The following RELN variants were observed in gnomAD, a reference collection of about 807,000 sequenced individuals.
RELN encodes the protein reelin.
RELN carries 108 observed loss-of-function variants against 427.6 expected under a neutral mutation model. The ratio of observed to expected loss-of-function variants is 0.25; its 90% CI spans 0.22 to 0.30. RELN has a LOEUF of 0.30. RELN is among the 10% of genes least tolerant of loss of function. The pLI, the probability that RELN is intolerant of heterozygous loss-of-function variation, is 1.00. For synonymous variants in RELN, 1,524 were observed against 1,513.4 expected, an observed-to-expected ratio of 1.01 and a Z score of -0.16; for missense variants, 3,715 against 4,302.8, an observed-to-expected ratio of 0.86 and a Z score of 3.82.
At chr7:103,899,174 A>G (rs1249516657) in intron 2 of RELN, among the ~76,000 whole-genome samples, 1 of 151,234 alleles carries the variant, frequency 6.6e-6, no homozygotes, top group East Asian at 1.9e-4. Flanking sequence ...CTCTACTTAA[A>G]TAAACTGGAA....
At chr7:103,491,106 A>T (rs1288300159) in intron 58 of RELN, among the ~76,000 whole-genome samples, 1 of 152,256 alleles carries the variant, frequency 6.6e-6, no homozygotes, top group Non-Finnish European at 1.5e-5. Flanking sequence ...GTTACTAGAA[A>T]TATACCTGGA....
In RELN at chr7:103,603,179, G is replaced by A. The variant is rs764247961; in HGVS notation, c.3333+125C>T. On this transcript the variant is annotated intron_variant, in intron 24 of 64. Coordinates refer to ENST00000428762, the MANE Select transcript of RELN (RefSeq NM_005045.4). This position sits in a 1 kb window ranked among gnomAD's most constrained non-coding sequence, Gnocchi z 4.3. ...ATAGCTAAGGAATAGGAATTTGATAGAGCCCACTCAAAAGCGGGGAACGTG... is the reference window on the plus strand; with the variant it reads ...ATAGCTAAGGAATAGGAATTTGATAAAGCCCACTCAAAAGCGGGGAACGTG... 207 of 797,446 alleles carry A rather than the reference G, an allele frequency of 2.6e-4. No individual in the cohort carries two copies. The highest frequency in any genetic ancestry group is 3.8e-4 in the Non-Finnish European group (172 of 451,420). 49.4% of individuals were successfully genotyped at this position (797,446 alleles called of 1,614,324 possible). A position where few individuals can be genotyped will look rare whatever the true frequency, so the allele number is the denominator to read the frequency against.
intron 2 of RELN, among the ~76,000 whole-genome samples, chr7:103,860,346 T>C (rs1015087705): frequency 8.5e-5 from 13 of 152,288 alleles, no homozygotes; most frequent in African/African-American, 2.9e-4. Context: ...AAGCCAATTA[T>C]TATATGGAAT....
In RELN at chr7:103,535,361, A is replaced by T; in HGVS notation, c.7304T>A (p.Phe2435Tyr). ...CAGAGTGATTCTAGTCCACTTGTTG[A>T]AAGTGTCTGACACCAGGATCCGTTG... ...HLQRILVSDT[F>Y]NKWTRITLPL... The change falls in exon 46 of 65, where the codon TTC becomes TAC. Residue 2435 changes from phenylalanine (F) to tyrosine (Y), a missense_variant. Phe to Tyr is a conservative substitution (Grantham distance 22, BLOSUM62 3). Transcript: ENST00000428762. 6.2e-7 allele frequency: 1 copy of T among 1,614,104 alleles called. No homozygotes were observed. Among genetic ancestry groups the T allele is most frequent in the East Asian group, 2.2e-5 (1 of 44,876 alleles).
chr7:103,581,068 T>C (rs911825198), intron 28 of RELN, among the ~76,000 whole-genome samples: 1 of 152,104 alleles, frequency 6.6e-6, no homozygotes, highest in Non-Finnish European at 1.5e-5. Flanking sequence ...AACACAGATA[T>C]GTTCTTATGG....
intron 20 of RELN, among the ~76,000 whole-genome samples, chr7:103,615,561 G>C (rs1374641754): frequency 6.6e-6 from 1 of 152,096 alleles, no homozygotes; most frequent in East Asian, 1.9e-4. Context: ...TATCTCACTT[G>C]ACCTTTGAGT....
intron 3 of RELN, among the ~76,000 whole-genome samples, chr7:103,809,864 C>T (rs1276322079): frequency 6.6e-6 from 1 of 152,174 alleles, no homozygotes; most frequent in Non-Finnish European, 1.5e-5. Flanking sequence ...AGGATCCCTG[C>T]TGTGACCATA....
rs1046355976 is a variant in RELN, at chr7:103,910,912, C to T, written c.337+6163G>A. On this transcript the variant is annotated intron_variant, in intron 2 of 64. Transcript: ENST00000428762. ...AACCATAAAAACCCTAGAAGAAAAC[C>T]TAGGCATTACTATTCAGGACATAGG... Among the ~76,000 whole-genome samples the T allele has an allele frequency of 2.2e-5, 3 of 138,524 alleles. No individual in the cohort carries two copies. The Admixed American group carries it at 2.2e-4, about 10-fold the overall frequency. The allele number at this position is 138,524 out of a possible 152,430, so 90.9% of individuals were successfully genotyped here. A position where few individuals can be genotyped will look rare whatever the true frequency, so the allele number is the denominator to read the frequency against.
chr7:103,958,694 ACT>A (rs1190912760), intron 1 of RELN, among the ~76,000 whole-genome samples: 2 of 152,134 alleles, frequency 1.3e-5, no homozygotes, highest in Non-Finnish European at 2.9e-5. Context: ...CAAGTGACTC[ACT>A]CTGCAATGGC....
intron 41 of RELN, among the ~76,000 whole-genome samples, chr7:103,549,383 G>A (rs12538828): frequency 6.6e-6 from 1 of 152,294 alleles, no homozygotes; most frequent in East Asian, 1.9e-4. Flanking sequence ...CCAATCATGA[G>A]GGCTCCACTT....
intron 19 of RELN, among the ~76,000 whole-genome samples, chr7:103,631,292 T>A (rs1334880911): frequency 1.5e-5 from 1 of 68,450 alleles, no homozygotes; most frequent in Non-Finnish European, 2.8e-5. Flanking sequence ...ACTTCTTTTT[T>A]TTTTTTTTTT....
intron 1 of RELN, among the ~76,000 whole-genome samples, chr7:103,963,108 TTC>T (rs950855492): frequency 6.0e-5 from 9 of 149,674 alleles, no homozygotes; most frequent in Non-Finnish European, 1.2e-4. Flanking sequence ...TTAGACAGGA[TTC>T]TCTCTCTCTC....
At chr7:103,675,330 G>A (rs554131216) in intron 11 of RELN, among the ~76,000 whole-genome samples, 2 of 152,220 alleles carry the variant, frequency 1.3e-5, no homozygotes, top group African/African-American at 4.8e-5. Flanking sequence ...CAACTTACAA[G>A]GGATGTGAAG....
At chr7:103,473,169 C>T (rs1373897775) in intron 64 of RELN, among the ~76,000 whole-genome samples, 1 of 152,178 alleles carries the variant, frequency 6.6e-6, no homozygotes, top group East Asian at 1.9e-4. Flanking sequence ...GTGAAATTCT[C>T]TTGATTCATA....
intron 49 of RELN, among the ~76,000 whole-genome samples, chr7:103,517,075 C>T (rs1048986648): frequency 1.3e-5 from 2 of 152,080 alleles, no homozygotes; most frequent in African/African-American, 4.8e-5. Flanking sequence ...CTCACCTGTG[C>T]GGGTACTGGC....
At chr7:103,747,270 C>A (rs495374) in intron 6 of RELN, among the ~76,000 whole-genome samples, 1 of 140,772 alleles carries the variant, frequency 7.1e-6, no homozygotes, top group Non-Finnish European at 1.5e-5. Flanking sequence ...TTGTGGGGTG[C>A]GGGGAGGGGA....
At chr7:103,716,214 C>T (rs527567451) in intron 8 of RELN, among the ~76,000 whole-genome samples, 4 of 152,286 alleles carry the variant, frequency 2.6e-5, no homozygotes, top group East Asian at 1.9e-4. Context: ...CCCTCCAGCC[C>T]TCCCTCTTTC....
intron 59 of RELN, 35 bp from the exon 60 acceptor site, chr7:103,489,934 A>G: frequency 6.2e-7 from 1 of 1,613,024 alleles, no homozygotes; most frequent in Non-Finnish European, 8.5e-7. Flanking sequence ...GGGATTCAGT[A>G]GGTTGTTACT....
At chr7:103,795,045 C>G (rs1297368710) in intron 3 of RELN, among the ~76,000 whole-genome samples, 1 of 152,092 alleles carries the variant, frequency 6.6e-6, no homozygotes, top group African/African-American at 2.4e-5. Context: ...TCTATAATAT[C>G]CCCTAATGCC....
Sources: allele counts gnomAD v4.1 joint callset (sites outside exome capture counted in the v4.1 genomes callset), GRCh38; gene constraint gnomAD v4.1.1; non-coding constraint Gnocchi (gnomAD v3.1); transcripts MANE v1.5; gene names NCBI Gene and HGNC (gene_info 2026-07-23, HGNC 2026-07-21).